The following PLEKHG5 variants were observed in gnomAD, a reference collection of about 807,000 sequenced individuals.
PLEKHG5 encodes pleckstrin homology domain-containing family G member 5.
A neutral mutation model predicts 103.8 loss-of-function variants in PLEKHG5; 52 were observed. That is an observed-to-expected ratio of 0.50 (90% confidence interval 0.40 to 0.63). PLEKHG5 has a LOEUF of 0.63. PLEKHG5 is among the 30% of genes least tolerant of loss of function. The pLI is 0.00. For missense variants in PLEKHG5, 1,205 were observed against 1,347.6 expected (o/e 0.89, Z 1.66); for synonymous variants, 592 against 575.5 (o/e 1.03, Z -0.41).
rs372606355 is a variant in PLEKHG5 at position 6,485,977 on chromosome 1, AC to A, written c.-88+5659del. The A allele has an allele frequency of 0.01, 7,916 of 756,072 alleles. 72 individuals are homozygous for A. The highest frequency in any genetic ancestry group is 0.054 in the African/African-American group (2,615 of 48,162). The allele number at this position is 756,072 out of a possible 1,614,324, so 46.8% of individuals were successfully genotyped here. A position where few individuals can be genotyped will look rare whatever the true frequency, so the allele number is the denominator to read the frequency against. On this transcript the variant is annotated intron_variant, in intron 1 of 20. Transcript: ENST00000377728. ...GCTGGAGGCAGGGGGCGCTGGTGAC[AC>A]CCCCCCCCACCTTGGAGACTGTGGA...
At chr1:6,489,987 C>G (rs972750501) in intron 1 of PLEKHG5, among the ~76,000 whole-genome samples, 6 of 152,242 alleles carry the variant, frequency 3.9e-5, no homozygotes, top group African/African-American at 1.4e-4. Flanking sequence ...CCGCATCCCC[C>G]ACCCCTAAGT....
intron 1 of PLEKHG5, among the ~76,000 whole-genome samples, chr1:6,479,845 A>G (rs943503709): frequency 2.0e-5 from 3 of 152,068 alleles, no homozygotes; most frequent in Non-Finnish European, 4.4e-5. Flanking sequence ...TCCTGGGCTC[A>G]AGCAATCTGC....
chr1:6,472,015 G>T (rs1022186868), intron 10 of PLEKHG5, among the ~76,000 whole-genome samples: 1 of 152,206 alleles, frequency 6.6e-6, no homozygotes, highest in South Asian at 2.1e-4. Context: ...TAGCCCTCCC[G>T]AGGTCACACT....
At chr1:6,498,884 G>A (rs1379378677), upstream of PLEKHG5, among the ~76,000 whole-genome samples, 1 of 152,242 alleles carries the variant, frequency 6.6e-6, no homozygotes, top group African/African-American at 2.4e-5. Flanking sequence ...GCAAGAGACG[G>A]CCCTGTGAGG....
intron 1 of PLEKHG5, among the ~76,000 whole-genome samples, chr1:6,504,824 C>T (rs1203028470): frequency 6.6e-6 from 1 of 152,228 alleles, no homozygotes; most frequent in Non-Finnish European, 1.5e-5. Flanking sequence ...CTGCCTCGGC[C>T]TCCCAAAGTG....
At chr1:6,516,959 C>A (rs957226531) in intron 1 of PLEKHG5, among the ~76,000 whole-genome samples, 2 of 148,084 alleles carry the variant, frequency 1.4e-5, no homozygotes, top group African/African-American at 5.0e-5. Context: ...AAAAGTAATA[C>A]CTCTGTGGCT....
chr1:6,488,224 C>T (rs1273105397), intron 1 of PLEKHG5, among the ~76,000 whole-genome samples: 1 of 152,232 alleles, frequency 6.6e-6, no homozygotes, highest in African/African-American at 2.4e-5. Context: ...ATTCGCTCTT[C>T]TCAAAGACTC....
chr1:6,503,783 G>C (rs1638220077), intron 1 of PLEKHG5, among the ~76,000 whole-genome samples: 1 of 152,194 alleles, frequency 6.6e-6, no homozygotes, highest in Non-Finnish European at 1.5e-5. Flanking sequence ...TCTGTGGCCA[G>C]TGTGATCAAG....
upstream of PLEKHG5, chr1:6,496,602 G>A: frequency 1.3e-6 from 2 of 1,482,236 alleles, no homozygotes; most frequent in Admixed American, 4.3e-5. Flanking sequence ...ATCAGTCAGC[G>A]GGGCACCCAG....
intron 2 of PLEKHG5, among the ~76,000 whole-genome samples, chr1:6,476,990 T>C (rs549556012): frequency 1.3e-5 from 2 of 152,226 alleles, no homozygotes; most frequent in South Asian, 4.2e-4. Flanking sequence ...GTTCCTCTGA[T>C]CAGCTGGGAA....
Position 6,470,591 on chromosome 1 carries a change from C to A in PLEKHG5, c.1595G>T (p.Arg532Leu). Residue 532 changes from arginine (R) to leucine (L), a missense_variant, in exon 15 of 21, where the codon CGG becomes CTG. Arg to Leu is a moderately radical substitution (Grantham distance 102, BLOSUM62 -2). Coordinates refer to ENST00000377728, the MANE Select transcript of PLEKHG5 (RefSeq NM_020631.6). Reference protein sequence around the residue: ...IHHVNACMRQRQERQRLAAVV... With the variant: ...IHHVNACMRQLQERQRLAAVV... ...GGCCGCCAGCCGCTGCCGCTCCTGC[C>A]GCTGCCGCATGCACGCGTTCACGTG... The A allele has an allele frequency of 6.2e-7, 1 of 1,603,130 alleles. No homozygotes were observed.
intron 1 of PLEKHG5, among the ~76,000 whole-genome samples, chr1:6,513,708 C>G (rs999121039): frequency 2.6e-5 from 4 of 152,256 alleles, no homozygotes; most frequent in African/African-American, 9.6e-5. Context: ...ACTTCCAGAA[C>G]AGCTAGGATT....
rs1290941686 is a variant in PLEKHG5, at chr1:6,487,492, C to T, written c.-88+4145G>A. 1.3e-5 allele frequency among the ~76,000 whole-genome samples: 2 copies of T among 152,192 alleles called. No individual in the cohort carries two copies. Among genetic ancestry groups the T allele is most frequent in the Admixed American group, 6.5e-5 (1 of 15,282 alleles). On this transcript the variant is annotated intron_variant, in intron 1 of 20. Transcript: ENST00000377728. The surrounding 1 kb of genome is among the most constrained non-coding windows in gnomAD (Gnocchi z 4.1). ...TCCCACCATGGCCGGGCTCCCGCCT[C>T]CCTCCCAGCTGGTCCGCACAGGGTC...
rs1638280650 is a variant in PLEKHG5 at position 6,505,292 on chromosome 1, ATGCCGACCAGCCTACGG to A, written c.-164-8740_-164-8724del. Among the ~76,000 whole-genome samples, 3 of 151,840 alleles carry A rather than the reference ATGCCGACCAGCCTACGG, an allele frequency of 2.0e-5. No individual in the cohort carries two copies. The highest frequency in any genetic ancestry group is 4.2e-4 in the South Asian group (2 of 4,810). On this transcript the variant is annotated intron_variant, in intron 1 of 21. Coordinates refer to the PLEKHG5 transcript ENST00000377740. The surrounding 1 kb of genome is among the most constrained non-coding windows in gnomAD (Gnocchi z 4.2). Reference sequence around the variant, plus strand: ...AGCCTACAGTACCGACCAGCCCACGATGCCGACCAGCCTACGGTGCCGACCAGCTGAGCTGAGCGGAC... The same window carrying A: ...AGCCTACAGTACCGACCAGCCCACGATGCCGACCAGCTGAGCTGAGCGGAC...
chr1:6,518,896 T>C (rs967746355), intron 1 of PLEKHG5, among the ~76,000 whole-genome samples: 1 of 152,240 alleles, frequency 6.6e-6, no homozygotes, highest in African/African-American at 2.4e-5. Context: ...CAGGCTGGAC[T>C]GCAGTGGCAC....
chr1:6,502,130 A>G (rs1351550915), intron 1 of PLEKHG5, among the ~76,000 whole-genome samples: 1 of 152,264 alleles, frequency 6.6e-6, no homozygotes, highest in Non-Finnish European at 1.5e-5. Flanking sequence ...CAGCCTGGGG[A>G]AGGGCAAGAT....
intron 1 of PLEKHG5, among the ~76,000 whole-genome samples, chr1:6,489,891 C>T (rs115709554): frequency 1.3e-5 from 2 of 152,312 alleles, no homozygotes; most frequent in East Asian, 3.9e-4. Context: ...TGAGGAGTTA[C>T]TAAGGAATCT....
In PLEKHG5 at chr1:6,474,548, C is replaced by A; in HGVS notation, c.342G>T (p.Ala114=). 1.2e-6 allele frequency: 2 copies of A among 1,613,800 alleles called. No homozygotes were observed. The highest frequency in any genetic ancestry group is 1.7e-6 in the Non-Finnish European group (2 of 1,179,928). Residue 114 remains alanine, a synonymous_variant, in exon 6 of 21, where the codon GCG becomes GCT. Transcript: ENST00000377728. The part of the protein sequence containing the change: ...LLPVFERKGI[A]LGKVDIYLDQ... ...CCAGGTAGATGTCCACTTTGCCCAG[C>A]GCAATGCCCTTCCTTTCAAATACAG...
intron 1 of PLEKHG5, among the ~76,000 whole-genome samples, chr1:6,488,454 T>C (rs74049589): frequency 0.064 from 9,713 of 152,218 alleles, 997 homozygotes; most frequent in African/African-American, 0.21. Context: ...AGCCAGCTTG[T>C]GGGGAGCCCA....
Sources: allele counts gnomAD v4.1 joint callset (sites outside exome capture counted in the v4.1 genomes callset), GRCh38; gene constraint gnomAD v4.1.1; non-coding constraint Gnocchi (gnomAD v3.1); transcripts MANE v1.5; gene names NCBI Gene and HGNC (gene_info 2026-07-23, HGNC 2026-07-21).